KRT8: variants seen among roughly 807,000 people sequenced by gnomAD.
The protein encoded by KRT8 is keratin, type II cytoskeletal 8.
In KRT8, 24 loss-of-function variants were observed where a neutral mutation model predicts 43.0. That is an observed-to-expected ratio of 0.56 (90% CI 0.40 to 0.78). The LOEUF (loss-of-function observed/expected upper bound fraction) is 0.78. Ranked by LOEUF, KRT8 falls within the 30% of genes least tolerant of loss-of-function variation. The pLI is 0.00. For synonymous variants in KRT8, 214 were observed against 261.2 expected (o/e 0.82, Z 1.74); for missense variants, 492 against 638.4 (o/e 0.77, Z 2.47).
intron 2 of KRT8, among the ~76,000 whole-genome samples, chr12:52,926,151 G>T (rs769449731): frequency 1.8e-5 from 1 of 55,250 alleles, no homozygotes; most frequent in South Asian, 7.6e-4. Context: ...CCTGCCCCCC[G>T]CCCCCCACCA....
At chr12:52,910,827 C>G (rs186538355), upstream of KRT8, among the ~76,000 whole-genome samples, 256 of 152,304 alleles carry the variant, frequency 1.7e-3, no homozygotes, top group African/African-American at 6.0e-3. Flanking sequence ...TCCAGAGGCC[C>G]ACTGTTTTGA....
intron 2 of KRT8, among the ~76,000 whole-genome samples, chr12:52,930,525 A>G (rs1471920491): frequency 1.3e-5 from 2 of 151,502 alleles, no homozygotes; most frequent in African/African-American, 2.4e-5. Flanking sequence ...CCGGCCCCCA[A>G]TTCTGTCTTC....
chr12:52,935,484 A>C lies in KRT8; in HGVS notation c.-47+13972T>G, dbSNP rs565730133. 2.9e-4 allele frequency among the ~76,000 whole-genome samples: 43 copies of C among 147,240 alleles called. No individual in the cohort carries two copies. The South Asian group carries it at 9.7e-3, about 33-fold the overall frequency. ...GAGGCGGGTGTATCACGAGGTCAGG[A>C]GATCAAGACCATCCTGGCTAACACA... On this transcript the variant is annotated intron_variant, in intron 2 of 6. Coordinates refer to the KRT8 transcript ENST00000546826.
rs1565725532 is a variant in KRT8, at chr12:52,918,174, G to GGAAGAGGAAGAAGAAGAAGAAGAA, written c.-46-13171_-46-13148dup. Among the ~76,000 whole-genome samples, 3 of 33,090 alleles carry GGAAGAGGAAGAAGAAGAAGAAGAA rather than the reference G, an allele frequency of 9.1e-5. 1 individual carries two copies. The highest frequency in any genetic ancestry group is 4.8e-4 in the African/African-American group (3 of 6,294). 21.7% of individuals were successfully genotyped at this position (33,090 alleles called of 152,430 possible). On this transcript the variant is annotated intron_variant, in intron 2 of 6. Coordinates refer to the KRT8 transcript ENST00000546826. ...GAGAAGGGGAAGAAGAAGAAGAAGA[G>GGAAGAGGAAGAAGAAGAAGAAGAA]GAAGAGGAAGAAGAAGAAGAAGAAG...
rs368939913 is a variant in KRT8, at chr12:52,949,120, C to A, written c.-47+336G>T. The A allele has an allele frequency of 1.5e-5, 20 of 1,359,254 alleles. No homozygotes were observed. The East Asian group carries it at 4.1e-4, about 28-fold the overall frequency. 84.2% of individuals were successfully genotyped at this position (1,359,254 alleles called of 1,614,324 possible). On this transcript the variant is annotated intron_variant, in intron 2 of 6. Coordinates refer to the KRT8 transcript ENST00000546826. ...CTCGGGTCGCGCGGCTCGCGCAGGC[C>A]GCCACCGTCGTCCGCAAAGCCTGAG...
chr12:52,938,170 A>ATATATATATATTTTTTT (rs1555189967), intron 2 of KRT8, among the ~76,000 whole-genome samples: 1 of 30,318 alleles, frequency 3.3e-5, no homozygotes, highest in Non-Finnish European at 5.9e-5. Flanking sequence ...ATATATATAT[A>ATATATATATATTTTTTT]TTTTTTTTTT....
intron 2 of KRT8, 99 bp downstream of exon 2, chr12:52,901,765 C>T: frequency 1.2e-6 from 1 of 852,626 alleles, no homozygotes. Context: ...TAGGACTGCA[C>T]TTCCCACAAC....
chr12:52,927,865 G>C (rs2120686362), intron 2 of KRT8, among the ~76,000 whole-genome samples: 1 of 152,316 alleles, frequency 6.6e-6, no homozygotes, highest in Non-Finnish European at 1.5e-5. Flanking sequence ...TATCACCTGA[G>C]GTCAGGAGTT....
chr12:52,900,127 A>G (rs1022689552), intron 4 of KRT8, 62 bp from the exon 5 acceptor site: 2 of 1,555,484 alleles, frequency 1.3e-6, no homozygotes, highest in Non-Finnish European at 1.8e-6. Flanking sequence ...CCCCTTTTCC[A>G]CAACAGCCTT....
At chr12:52,911,123 G>A (rs929290504), upstream of KRT8, among the ~76,000 whole-genome samples, 8 of 151,992 alleles carry the variant, frequency 5.3e-5, 1 homozygote. Flanking sequence ...AGGCCGAGGC[G>A]GGCTGATCAC....
At chr12:52,920,693 A>T (rs1214182447) in intron 2 of KRT8, among the ~76,000 whole-genome samples, 1 of 151,976 alleles carries the variant, frequency 6.6e-6, no homozygotes, top group South Asian at 2.1e-4. Context: ...TCTAACAGGC[A>T]CTCCACCAGT....
At chr12:52,927,198 C>G (rs1331556687) in intron 2 of KRT8, among the ~76,000 whole-genome samples, 6 of 152,174 alleles carry the variant, frequency 3.9e-5, no homozygotes, top group Admixed American at 2.6e-4. Flanking sequence ...GACAGGAAGA[C>G]CCCTTCACCT....
At chr12:52,923,178 A>C (rs564308738) in intron 2 of KRT8, among the ~76,000 whole-genome samples, 1 of 152,234 alleles carries the variant, frequency 6.6e-6, no homozygotes, top group Non-Finnish European at 1.5e-5. Flanking sequence ...TCTAAGGTTT[A>C]TGATGAAAAT....
chr12:52,906,468 T>C, upstream of KRT8: 1 of 341,888 alleles, frequency 2.9e-6, no homozygotes, highest in South Asian at 2.2e-5. Flanking sequence ...TCCCTGCACC[T>C]GTCTCCCATT....
chr12:52,938,170 A>ATATATATATATATATATTT (rs1555189967), intron 2 of KRT8, among the ~76,000 whole-genome samples: 3 of 30,308 alleles, frequency 9.9e-5, no homozygotes, highest in Non-Finnish European at 1.8e-4. Context: ...ATATATATAT[A>ATATATATATATATATATTT]TTTTTTTTTT....
exon 2 of KRT8, chr12:52,902,019 C>T (rs1941383791): frequency 6.2e-7 from 1 of 1,603,436 alleles, no homozygotes; most frequent in African/African-American, 1.3e-5. Context: ...TCTGCTGCTG[C>T]AGGAGGCTCC....
At chr12:52,947,167 C>G (rs1170802380) in intron 2 of KRT8, 1 of 152,218 alleles carries the variant, frequency 6.6e-6, no homozygotes, top group African/African-American at 2.4e-5. Context: ...TAAGGGTTCC[C>G]CCCAACACTT....
intron 2 of KRT8, among the ~76,000 whole-genome samples, chr12:52,915,373 C>CA (rs566362747): frequency 0.17 from 22,089 of 128,876 alleles, 1,787 homozygotes; most frequent in African/African-American, 0.22. Flanking sequence ...GACTCCATCT[C>CA]AAAAAAAAAA....
At chr12:52,916,925 C>G (rs1941752213) in intron 2 of KRT8, among the ~76,000 whole-genome samples, 1 of 152,116 alleles carries the variant, frequency 6.6e-6, no homozygotes, top group Non-Finnish European at 1.5e-5. Flanking sequence ...AGTGCCAGCC[C>G]TGGAGAAGAG....
Sources: gnomAD v4.1 joint callset for allele counts (sites outside exome capture counted in the v4.1 genomes callset) on GRCh38, gnomAD v4.1.1 for gene constraint, MANE v1.5 for transcripts, NCBI Gene and HGNC (gene_info 2026-07-23, HGNC 2026-07-21) for gene names.